Variants in REPS2 observed in about 807,000 individuals in gnomAD.
REPS2 encodes the protein ralBP1-associated Eps domain-containing protein 2.
Under a neutral mutation model 53.6 loss-of-function variants are expected in REPS2, and 23 were observed. That is an observed-to-expected ratio of 0.43 (90% CI 0.31 to 0.61). The LOEUF is 0.61. Among genes scored for constraint, REPS2 ranks in the 20% least tolerant of loss-of-function variants. REPS2 has a pLI of 0.11. For missense variants in REPS2, 446 were observed against 534.9 expected, an observed-to-expected ratio of 0.83 and a Z score of 1.64; for synonymous variants, 238 against 218.6, an observed-to-expected ratio of 1.09 and a Z score of -0.78.
At chrX:17,030,252 C>A (rs1302295024) in intron 5 of REPS2, among the ~76,000 whole-genome samples, 1 of 111,296 alleles carries the variant, frequency 9.0e-6, no homozygotes, top group African/African-American at 3.3e-5. Flanking sequence ...TCTCTGTCTG[C>A]AGCTGTTGCC....
At chrX:17,144,340 C>T (rs2063485345) in intron 17 of REPS2, among the ~76,000 whole-genome samples, 1 of 113,019 alleles carries the variant, frequency 8.8e-6, no homozygotes, top group African/African-American at 3.2e-5. Context: ...CAGGAATGAT[C>T]TGGGGATCTA....
chrX:17,088,752 T>C (rs1190993268), intron 13 of REPS2, among the ~76,000 whole-genome samples: 1 of 109,195 alleles, frequency 9.2e-6, no homozygotes, highest in African/African-American at 3.3e-5. Flanking sequence ...CCTGGCTAAT[T>C]TTTTGTATTT....
At position 16,962,276 on chromosome X, in the gene REPS2, T is replaced by TACACACAC. The variant is rs61520216; in HGVS notation, c.273+15184_273+15191dup. Among the ~76,000 whole-genome samples the TACACACAC allele has an allele frequency of 3.3e-3, 270 of 81,853 alleles. 1 individual carries two copies. The highest frequency in any genetic ancestry group is 0.013 in the Middle Eastern group (2 of 156). The allele number at this position is 81,853 out of a possible 115,157, so 71.1% of individuals were successfully genotyped here. A position where few individuals can be genotyped will look rare whatever the true frequency, so the allele number is the denominator to read the frequency against. ...ATGAGTGGCTAAAAATATCGTGGGA[T>TACACACAC]ACACACACACACACACACACACACA... On this transcript the variant is annotated intron_variant, in intron 1 of 17. Transcript: ENST00000357277.
chrX:17,184,523 T>G, the REPS2 span, among the ~76,000 whole-genome samples: 4 of 107,969 alleles, frequency 3.7e-5, no homozygotes, highest in Non-Finnish European at 7.7e-5. Context: ...GCATGATTTA[T>G]AGTCCTTTGG....
intron 13 of REPS2, among the ~76,000 whole-genome samples, chrX:17,091,200 A>G (rs980918402): frequency 8.9e-6 from 1 of 112,259 alleles, no homozygotes; most frequent in Non-Finnish European, 1.9e-5. Flanking sequence ...CTACAATGGC[A>G]TATTTTTTAG....
chrX:17,169,205 A>C, the REPS2 span, among the ~76,000 whole-genome samples: 1 of 112,235 alleles, frequency 8.9e-6, no homozygotes, highest in Admixed American at 9.5e-5. Flanking sequence ...GACTTGAAGA[A>C]CCGTGTAGTT....
chrX:16,965,429 C>T (rs1380074678), intron 1 of REPS2, among the ~76,000 whole-genome samples: 4 of 110,136 alleles, frequency 3.6e-5, no homozygotes, highest in East Asian at 2.9e-4. Flanking sequence ...ACTTCCCAGA[C>T]GGGGTGGCTG....
At chrX:17,108,806 G>A (rs2062916531) in intron 14 of REPS2, among the ~76,000 whole-genome samples, 1 of 111,058 alleles carries the variant, frequency 9.0e-6, no homozygotes. Flanking sequence ...ACTGGAAGGT[G>A]AAAGCACTGT....
At chrX:17,125,783 G>A (rs1407033416) in intron 14 of REPS2, among the ~76,000 whole-genome samples, 1 of 112,858 alleles carries the variant, frequency 8.9e-6, no homozygotes, top group Non-Finnish European at 1.9e-5. Flanking sequence ...GGATTGTGTT[G>A]TGTGCCATAG....
intron 5 of REPS2, among the ~76,000 whole-genome samples, chrX:17,043,260 C>G (rs1348088632): frequency 9.0e-6 from 1 of 111,544 alleles, no homozygotes; most frequent in African/African-American, 3.3e-5. Flanking sequence ...TGTGCCCTCT[C>G]CCTTTGTCCT....
At chrX:16,988,141 G>GCA (rs1186095986) in intron 1 of REPS2, among the ~76,000 whole-genome samples, 4 of 111,342 alleles carry the variant, frequency 3.6e-5, no homozygotes, top group Non-Finnish European at 7.5e-5. Flanking sequence ...AATTAGCAGG[G>GCA]TGTTATGGTG....
rs779960671 is a variant in REPS2, at chrX:16,950,224, T to G, written c.273+3090T>G. 1.2e-4 allele frequency among the ~76,000 whole-genome samples: 14 copies of G among 112,061 alleles called. No individual in the cohort carries two copies. The East Asian group carries it at 3.1e-3, about 24-fold the overall frequency. ...TTTTATGGTTTGGTGGCTCATTTCT[T>G]TATAGTGCTGAATAATATTCCATTG... is the stretch of plus-strand genomic sequence containing the variant. On this transcript the variant is annotated intron_variant, in intron 1 of 17. Transcript: ENST00000357277.
intron 5 of REPS2, among the ~76,000 whole-genome samples, chrX:17,045,767 T>G (rs1210838935): frequency 9.1e-6 from 1 of 110,379 alleles, no homozygotes; most frequent in African/African-American, 3.3e-5. Flanking sequence ...GTATTTCATC[T>G]CATTGTCCTG....
intron 1 of REPS2, among the ~76,000 whole-genome samples, chrX:16,950,969 C>T (rs892750941): frequency 2.7e-5 from 3 of 112,085 alleles, no homozygotes; most frequent in Non-Finnish European, 5.6e-5. Context: ...TTGCTTGAGC[C>T]CAGGAGTTCA....
chrX:16,964,940 GGGGCGGCTGGCC>G (rs2060722240), intron 1 of REPS2, among the ~76,000 whole-genome samples: 1 of 7,780 alleles, frequency 1.3e-4, no homozygotes. Context: ...CCTCCCGGAC[GGGGCGGCTGGCC>G]GGGCAGAGTG....
At chrX:17,054,726 G>T in intron 7 of REPS2, 82 bp from the exon 8 acceptor site, 5 of 1,042,021 alleles carry the variant, frequency 4.8e-6, no homozygotes, top group Non-Finnish European at 6.6e-6. Context: ...CACAGAGTCT[G>T]GGAGTTTTAT....
chrX:16,983,792 AC>A (rs1423387166), intron 1 of REPS2, among the ~76,000 whole-genome samples: 2 of 112,914 alleles, frequency 1.8e-5, no homozygotes, highest in Non-Finnish European at 3.7e-5. Flanking sequence ...GGCATGAGCC[AC>A]CATGCCCGGC....
At chrX:17,127,986 T>C (rs1376912906) in intron 14 of REPS2, among the ~76,000 whole-genome samples, 1 of 111,541 alleles carries the variant, frequency 9.0e-6, no homozygotes, top group African/African-American at 3.3e-5. Flanking sequence ...TGCTTGGGTG[T>C]CCTCACAATG....
intron 1 of REPS2, among the ~76,000 whole-genome samples, chrX:16,983,913 C>T (rs1043383160): frequency 3.6e-5 from 4 of 112,670 alleles, no homozygotes; most frequent in Non-Finnish European, 7.5e-5. Context: ...ATCTGTTTGC[C>T]TCCAGAACCC....
Sources: gnomAD v4.1 joint callset for allele counts (sites outside exome capture counted in the v4.1 genomes callset) on GRCh38, gnomAD v4.1.1 for gene constraint, MANE v1.5 for transcripts, NCBI Gene and HGNC (gene_info 2026-07-23, HGNC 2026-07-21) for gene names.